The following ARID4B variants were observed in gnomAD, a reference collection of about 807,000 sequenced individuals.
ARID4B encodes the protein AT-rich interactive domain-containing protein 4B.
In ARID4B, 26 loss-of-function variants were observed where a neutral mutation model predicts 147.5. That is an observed-to-expected ratio of 0.18 (90% CI 0.13 to 0.24). The LOEUF (loss-of-function observed/expected upper bound fraction) is 0.24. Among genes scored for constraint, ARID4B ranks in the 10% least tolerant of loss-of-function variants. The pLI is 1.00. For synonymous variants in ARID4B, 512 were observed against 507.9 expected, an observed-to-expected ratio of 1.01 and a Z score of -0.11; for missense variants, 1,179 against 1,511.5, an observed-to-expected ratio of 0.78 and a Z score of 3.65.
chr1:235,255,975 A>T (rs1485895527), intron 4 of ARID4B, among the ~76,000 whole-genome samples: 1 of 151,924 alleles, frequency 6.6e-6, no homozygotes, highest in Non-Finnish European at 1.5e-5. Context: ...GGAGTTCGAG[A>T]CCAGCCTGGC....
intron 2 of ARID4B, among the ~76,000 whole-genome samples, chr1:235,306,654 A>C (rs1271584941): frequency 6.6e-6 from 1 of 152,052 alleles, no homozygotes; most frequent in East Asian, 1.9e-4. Flanking sequence ...TGATCCCTTA[A>C]ATAAAATCTC....
At chr1:235,291,222 C>G (rs1672314668) in intron 2 of ARID4B, among the ~76,000 whole-genome samples, 1 of 151,680 alleles carries the variant, frequency 6.6e-6, no homozygotes, top group Non-Finnish European at 1.5e-5. Flanking sequence ...CGTTGAAACC[C>G]CGTCTCTACT....
At chr1:235,323,739 G>C in intron 2 of ARID4B, among the ~76,000 whole-genome samples, 1 of 151,098 alleles carries the variant, frequency 6.6e-6, no homozygotes, top group East Asian at 2.0e-4. Context: ...AGCCGAGATC[G>C]CACCACTGCA....
At chr1:235,173,650 A>G (rs1663531076) in intron 22 of ARID4B, among the ~76,000 whole-genome samples, 1 of 146,858 alleles carries the variant, frequency 6.8e-6, no homozygotes, top group Non-Finnish European at 1.5e-5. Context: ...TAATCCTAGC[A>G]CTTTGGGAAG....
rs150751250 is a variant in ARID4B at position 235,181,743 on chromosome 1, C to G, written c.3176G>C (p.Arg1059Pro). 1 of 1,613,978 alleles carries G rather than the reference C, an allele frequency of 6.2e-7. No individual in the cohort carries two copies. The highest frequency in any genetic ancestry group is 1.3e-5 in the African/African-American group (1 of 74,922). ...EPLAPNQEEV[R>P]SIKSETDSTI... is the part of the protein sequence containing the mutation. ...GCTATCAGTTTCACTCTTGATACTT[C>G]GAACCTCTTCTTGGTTTGGAGCCAG... The change falls in exon 20 of 24, where the codon CGA (arginine) becomes CCA (proline). Residue 1059 changes from arginine (R) to proline (P), a missense_variant. By Grantham distance (103) the Arg-to-Pro change is moderately radical. Transcript: ENST00000264183.
chr1:235,192,372 C>T (rs369874894), intron 19 of ARID4B, among the ~76,000 whole-genome samples: 274 of 152,284 alleles, frequency 1.8e-3, no homozygotes, highest in African/African-American at 6.2e-3. Context: ...TATTTGATTG[C>T]TACTGTGGAG....
intron 2 of ARID4B, among the ~76,000 whole-genome samples, chr1:235,308,869 G>A (rs1439526779): frequency 1.3e-5 from 2 of 152,214 alleles, no homozygotes; most frequent in Non-Finnish European, 2.9e-5. Flanking sequence ...CCAAAGTGCC[G>A]AGAGTGCAGC....
chr1:235,238,973 CT>C (rs998623137), intron 8 of ARID4B, among the ~76,000 whole-genome samples: 66 of 142,670 alleles, frequency 4.6e-4, no homozygotes, highest in Middle Eastern at 3.7e-3. Flanking sequence ...CAAGATAATT[CT>C]TTTTTTTTCT....
At chr1:235,223,389 A>ATATATATATATATACACACG (rs1667620126) in intron 12 of ARID4B, 129 bp from the exon 13 acceptor site, 3 of 205,924 alleles carry the variant, frequency 1.5e-5, no homozygotes, top group Admixed American at 1.5e-4. Context: ...ATATACACGT[A>ATATATATATATATACACACG]TATATATGTG....
chr1:235,215,547 ATGTG>A (rs370429662), intron 16 of ARID4B, among the ~76,000 whole-genome samples: 77 of 136,494 alleles, frequency 5.6e-4, no homozygotes, highest in African/African-American at 7.2e-4. Context: ...ACACATATAT[ATGTG>A]TGTGTGTGTG....
chr1:235,220,197 A>C (rs1667362317), intron 15 of ARID4B, 105 bp downstream of exon 15: 1 of 1,036,600 alleles, frequency 9.6e-7, no homozygotes, highest in African/African-American at 1.7e-5. Flanking sequence ...AAAATAAACA[A>C]ATAATAAAGA....
intron 2 of ARID4B, among the ~76,000 whole-genome samples, chr1:235,324,599 C>T (rs1675091648): frequency 6.6e-6 from 1 of 152,154 alleles, no homozygotes; most frequent in South Asian, 2.1e-4. Context: ...TTGGTAAGAT[C>T]CAATAAATGG....
intron 10 of ARID4B, among the ~76,000 whole-genome samples, chr1:235,230,846 C>G (rs1375124520): frequency 6.6e-6 from 1 of 151,344 alleles, no homozygotes; most frequent in Non-Finnish European, 1.5e-5. Context: ...TTGCTTGAAC[C>G]CAGGAGGCAG....
At chr1:235,296,124 G>C (rs555100535) in intron 2 of ARID4B, 47 of 173,780 alleles carry the variant, frequency 2.7e-4, no homozygotes, top group Non-Finnish European at 5.1e-4. Flanking sequence ...CCTGACCACT[G>C]AGTCAGCCAT....
chr1:235,299,402 C>T (rs558755092), intron 2 of ARID4B, among the ~76,000 whole-genome samples: 9 of 152,206 alleles, frequency 5.9e-5, no homozygotes, highest in East Asian at 3.9e-4. Flanking sequence ...TTAGTAGAGA[C>T]GGGGTTTCTT....
intron 17 of ARID4B, among the ~76,000 whole-genome samples, chr1:235,206,622 TAGCTGGAGC>T (rs1463816292): frequency 1.3e-5 from 2 of 152,186 alleles, no homozygotes; most frequent in East Asian, 1.9e-4. Context: ...AAAATGGTTG[TAGCTGGAGC>T]AGCTGGAGCC....
In ARID4B at chr1:235,182,771, G is replaced by A. The variant is rs1263827551; in HGVS notation, c.2148C>T (p.Asp716=). ...GLQASESSAE[D]SEQEDERGAQ... ...CACCTCTCTCATCTTCCTGCTCACT[G>A]TCTTCAGCAGAACTTTCAGAAGCTA... The change falls in exon 20 of 24, where the codon GAC becomes GAT. Residue 716 remains aspartate, a synonymous_variant. Coordinates refer to ENST00000264183, the MANE Select transcript of ARID4B (RefSeq NM_016374.6). 1 of 1,585,160 alleles carries A rather than the reference G, an allele frequency of 6.3e-7. No individual in the cohort carries two copies. Among genetic ancestry groups the A allele is most frequent in the Non-Finnish European group, 8.6e-7 (1 of 1,168,616 alleles).
At chr1:235,297,175 G>C (rs557622039) in intron 2 of ARID4B, among the ~76,000 whole-genome samples, 8 of 152,092 alleles carry the variant, frequency 5.3e-5, no homozygotes, top group Admixed American at 1.3e-4. Flanking sequence ...AAGAACACAG[G>C]AACCCATCTG....
chr1:235,220,966 C>A lies in ARID4B; in HGVS notation c.1164-421G>T, dbSNP rs532111403. ...AGGCTGAAGTGCAGTGGCGCAATCT[C>A]AGCTCACTATAACCTCCGCCTCCTG... On this transcript the variant is annotated intron_variant, in intron 14 of 23. Coordinates refer to ENST00000264183, the MANE Select transcript of ARID4B (RefSeq NM_016374.6). Among the ~76,000 whole-genome samples, 9 of 152,114 alleles carry A rather than the reference C, an allele frequency of 5.9e-5. No homozygotes were observed. The South Asian group carries it at 1.7e-3, about 28-fold the overall frequency.
Sources: allele counts gnomAD v4.1 joint callset (sites outside exome capture counted in the v4.1 genomes callset), GRCh38; gene constraint gnomAD v4.1.1; transcripts MANE v1.5; gene names NCBI Gene and HGNC (gene_info 2026-07-23, HGNC 2026-07-21).